PRR16: variants seen among roughly 807,000 people sequenced by gnomAD.
PRR16 encodes the protein protein Largen.
A neutral mutation model predicts 18.2 loss-of-function variants in PRR16; 6 were observed. The observed-to-expected ratio is 0.33, with a 90% CI of 0.18 to 0.65. The LOEUF is 0.65. Ranked by LOEUF, PRR16 falls within the 30% of genes least tolerant of loss-of-function variation. The probability of loss-of-function intolerance (pLI) is 0.74; values close to 1 mark genes in which losing one functional copy is unlikely to be tolerated. For synonymous variants in PRR16, 151 were observed against 147.8 expected (o/e 1.02, Z -0.16); for missense variants, 412 against 376.6 (o/e 1.09, Z -0.78).
At chr5:120,561,934 C>G (rs1204581080) in intron 1 of PRR16, among the ~76,000 whole-genome samples, 1 of 152,102 alleles carries the variant, frequency 6.6e-6, no homozygotes, top group Non-Finnish European at 1.5e-5. Flanking sequence ...TCTTCCTAGC[C>G]TCAGATCTGT....
chr5:120,759,985 G>A, the PRR16 span, among the ~76,000 whole-genome samples: 2 of 152,156 alleles, frequency 1.3e-5, no homozygotes, highest in Non-Finnish European at 2.9e-5. Flanking sequence ...GGGGGTGTGT[G>A]TAAAAGGTGC....
chr5:120,485,084 G>C (rs1280451328), intron 1 of PRR16, among the ~76,000 whole-genome samples: 2 of 151,872 alleles, frequency 1.3e-5, no homozygotes, highest in Non-Finnish European at 2.9e-5. Flanking sequence ...TCTGATTTTA[G>C]TGTAATTATT....
chr5:120,781,314 T>A, the PRR16 span: 7 of 152,076 alleles, frequency 4.6e-5, no homozygotes, highest in Non-Finnish European at 1.0e-4. Context: ...GTATGTGACA[T>A]AGAAGCATTT....
At chr5:120,595,131 A>C (rs1473280966) in intron 1 of PRR16, among the ~76,000 whole-genome samples, 1 of 152,166 alleles carries the variant, frequency 6.6e-6, no homozygotes, top group Non-Finnish European at 1.5e-5. Context: ...AATTAAACCA[A>C]AGAGCTTGTT....
At chr5:120,603,271 G>T (rs1754046027) in intron 1 of PRR16, among the ~76,000 whole-genome samples, 1 of 151,866 alleles carries the variant, frequency 6.6e-6, no homozygotes, top group East Asian at 1.9e-4. Context: ...ATATGAGTTT[G>T]TTCCTGTTTT....
At chr5:120,687,435 A>G (rs1356998349), downstream of PRR16, 1 of 152,168 alleles carries the variant, frequency 6.6e-6, no homozygotes, top group Non-Finnish European at 1.5e-5. Flanking sequence ...GAATTTTCTA[A>G]ATGAAATATC....
At chr5:120,487,533 T>G (rs1749853502) in intron 1 of PRR16, among the ~76,000 whole-genome samples, 1 of 152,166 alleles carries the variant, frequency 6.6e-6, no homozygotes, top group African/African-American at 2.4e-5. Context: ...CTTATCAGCT[T>G]AAGGAGATTT....
chr5:120,491,737 T>C (rs1488602916), intron 1 of PRR16, among the ~76,000 whole-genome samples: 1 of 152,092 alleles, frequency 6.6e-6, no homozygotes, highest in Non-Finnish European at 1.5e-5. Context: ...AGAGACAGGG[T>C]TTCACCATGT....
chr5:120,618,967 T>C (rs1301533152), intron 1 of PRR16, among the ~76,000 whole-genome samples: 1 of 141,670 alleles, frequency 7.1e-6, no homozygotes, highest in Non-Finnish European at 1.6e-5. Context: ...ATGCAAAAAG[T>C]CAGAACAAAA....
chr5:120,763,991 T>A, the PRR16 span, among the ~76,000 whole-genome samples: 1 of 152,124 alleles, frequency 6.6e-6, no homozygotes, highest in Non-Finnish European at 1.5e-5. Flanking sequence ...TGTAAGAGGA[T>A]CCTCTAAATG....
intron 1 of PRR16, among the ~76,000 whole-genome samples, chr5:120,621,055 AG>A (rs1754673584): frequency 2.6e-5 from 4 of 152,108 alleles, no homozygotes; most frequent in Admixed American, 2.6e-4. Flanking sequence ...GTTCTCCTTT[AG>A]AAAGTTTTGT....
intron 1 of PRR16, among the ~76,000 whole-genome samples, chr5:120,633,653 C>T (rs1022299026): frequency 2.0e-5 from 3 of 152,094 alleles, no homozygotes; most frequent in Non-Finnish European, 4.4e-5. Flanking sequence ...GATAAAAGAA[C>T]TAGCCTGACA....
intron 1 of PRR16, among the ~76,000 whole-genome samples, chr5:120,545,663 C>T (rs1466438516): frequency 6.6e-6 from 1 of 151,938 alleles, no homozygotes. Context: ...TATCCTAAAA[C>T]CATATATTTT....
intron 1 of PRR16, among the ~76,000 whole-genome samples, chr5:120,639,955 A>G (rs1423461709): frequency 6.6e-6 from 1 of 152,076 alleles, no homozygotes; most frequent in Non-Finnish European, 1.5e-5. Flanking sequence ...AATACTATGC[A>G]ACCATTAATA....
chr5:120,706,851 A>G, the PRR16 span, among the ~76,000 whole-genome samples: 1 of 152,168 alleles, frequency 6.6e-6, no homozygotes, highest in African/African-American at 2.4e-5. Context: ...GCTCTAAGCT[A>G]TTGTGGGAAG....
At chr5:120,622,593 C>A (rs555462183) in intron 1 of PRR16, among the ~76,000 whole-genome samples, 1 of 152,152 alleles carries the variant, frequency 6.6e-6, no homozygotes, top group South Asian at 2.1e-4. Flanking sequence ...ATTCTCCTGC[C>A]TTAGCCTCCC....
the PRR16 span, among the ~76,000 whole-genome samples, chr5:120,722,912 T>C: frequency 5.3e-5 from 8 of 151,476 alleles, no homozygotes; most frequent in African/African-American, 7.3e-5. Context: ...ATTCTGAAAG[T>C]ATCTATCTCT....
chr5:120,575,318 A>AAC (rs3047956), intron 1 of PRR16, among the ~76,000 whole-genome samples: 70,725 of 138,092 alleles, frequency 0.51, 18,177 homozygotes, highest in Admixed American at 0.64. Context: ...CAGACAAGGA[A>AAC]ACACACACAC....
At chr5:120,708,890 A>G in the PRR16 span, among the ~76,000 whole-genome samples, 2 of 151,836 alleles carry the variant, frequency 1.3e-5, no homozygotes, top group South Asian at 4.1e-4. Context: ...AGATGATGCA[A>G]AAACTTGTAG....
Sources: gnomAD v4.1 joint callset for allele counts (sites outside exome capture counted in the v4.1 genomes callset) on GRCh38, gnomAD v4.1.1 for gene constraint, MANE v1.5 for transcripts, NCBI Gene and HGNC (gene_info 2026-07-23, HGNC 2026-07-21) for gene names.